USP42: variants seen among roughly 807,000 people sequenced by gnomAD.
USP42 encodes ubiquitin carboxyl-terminal hydrolase 42.
Under a neutral mutation model 113.0 loss-of-function variants are expected in USP42, and 23 were observed. The observed-to-expected ratio is 0.20, with a 90% confidence interval of 0.15 to 0.29. The LOEUF (loss-of-function observed/expected upper bound fraction) is 0.29. USP42 is among the 10% of genes least tolerant of loss of function. The pLI is 1.00. For synonymous variants in USP42, 933 were observed against 699.0 expected, an observed-to-expected ratio of 1.33 and a Z score of -5.28; for missense variants, 2,174 against 1,779.8, an observed-to-expected ratio of 1.22 and a Z score of -3.99.
chr7:6,129,430 G>A (rs565567237), intron 3 of USP42, among the ~76,000 whole-genome samples: 24 of 151,470 alleles, frequency 1.6e-4, no homozygotes, highest in African/African-American at 5.3e-4. Flanking sequence ...GGTGGCGGGC[G>A]CCTGTAATCC....
chr7:6,123,796 G>C (rs1780368971), intron 3 of USP42, among the ~76,000 whole-genome samples: 3 of 138,692 alleles, frequency 2.2e-5, no homozygotes, highest in South Asian at 2.5e-4. Flanking sequence ...TTATGCCACT[G>C]TACTCCAACC....
rs559537747 is a variant in USP42, at chr7:6,129,253, T to C, written c.443-6588T>C. Among the ~76,000 whole-genome samples, 11 of 152,308 alleles carry C rather than the reference T, an allele frequency of 7.2e-5. No homozygotes were observed. The South Asian group carries it at 2.3e-3, about 32-fold the overall frequency. ...TCCTTTACTCTCCACTAGTTATAAT[T>C]GTTATAAAATGTTTCTTCTAGGCCA... is the stretch of plus-strand genomic sequence containing the variant. On this transcript the variant is annotated intron_variant, in intron 3 of 17. Transcript: ENST00000306177.
chr7:6,139,211 G>T lies in USP42; in HGVS notation c.656+17G>T. 1.3e-6 allele frequency: 2 copies of T among 1,545,096 alleles called. No homozygotes were observed. Among genetic ancestry groups the T allele is most frequent in the Middle Eastern group, 1.7e-4 (1 of 5,910 alleles). ...CAGCAATAAGTAAGTACAACAGAGC[G>T]CCAGCCATGTCTTCATTGGGGATCT... On this transcript the variant is annotated intron_variant, in intron 5 of 17. Coordinates refer to ENST00000306177, the MANE Select transcript of USP42 (RefSeq NM_032172.3). This position sits in a 1 kb window ranked among gnomAD's most constrained non-coding sequence, Gnocchi z 4.5.
At chr7:6,085,905 GC>G in the USP42 span, among the ~76,000 whole-genome samples, 31 of 151,108 alleles carry the variant, frequency 2.1e-4, no homozygotes, top group Non-Finnish European at 7.4e-5. Context: ...GAGCCACCGT[GC>G]CCAGCCTATT....
At chr7:6,096,084 A>T in the USP42 span, among the ~76,000 whole-genome samples, 1 of 151,052 alleles carries the variant, frequency 6.6e-6, no homozygotes, top group Non-Finnish European at 1.5e-5. Context: ...TGGAATTGAG[A>T]ACTGGCTCAG....
chr7:6,152,884 C>A, intron 14 of USP42: 1 of 979,458 alleles, frequency 1.0e-6, no homozygotes, highest in Non-Finnish European at 1.2e-6. Context: ...CTTTGAGGGT[C>A]CAAGAGAAAT....
Position 6,139,705 on chromosome 7 carries a change from G to A in USP42, c.657-423G>A. On this transcript the variant is annotated intron_variant, in intron 5 of 17. Coordinates refer to ENST00000306177, the MANE Select transcript of USP42 (RefSeq NM_032172.3). This position sits in a 1 kb window ranked among gnomAD's most constrained non-coding sequence, Gnocchi z 4.5. ...TGAGACACCTGGTAGATCTCCCTCT[G>A]CATTCTCCCTGCCCTGGCACCGCCC... 4.1e-6 allele frequency: 1 copy of A among 243,308 alleles called. No individual in the cohort carries two copies. Among genetic ancestry groups the A allele is most frequent in the Non-Finnish European group, 8.0e-6 (1 of 124,462 alleles). 15.1% of individuals were successfully genotyped at this position (243,308 alleles called of 1,614,324 possible). A position where few individuals can be genotyped will look rare whatever the true frequency, so the allele number is the denominator to read the frequency against.
intron 3 of USP42, among the ~76,000 whole-genome samples, chr7:6,117,642 T>C (rs929950966): frequency 1.3e-5 from 2 of 152,118 alleles, no homozygotes; most frequent in Admixed American, 1.3e-4. Flanking sequence ...GGGATTGCAG[T>C]GTTTTATAGT....
intron 3 of USP42, among the ~76,000 whole-genome samples, chr7:6,123,035 A>G (rs974523973): frequency 6.6e-6 from 1 of 151,158 alleles, no homozygotes; most frequent in Non-Finnish European, 1.5e-5. Context: ...CGTGTTGGCT[A>G]GGCTGGTCTC....
intron 3 of USP42, among the ~76,000 whole-genome samples, chr7:6,134,716 T>G (rs917014390): frequency 3.3e-4 from 50 of 152,226 alleles, no homozygotes; most frequent in Non-Finnish European, 1.5e-4. Context: ...AAAAAAGATA[T>G]GCCATAGAGA....
At chr7:6,102,306 G>C (rs1342685614), upstream of USP42, among the ~76,000 whole-genome samples, 1 of 149,838 alleles carries the variant, frequency 6.7e-6, no homozygotes. Flanking sequence ...TAGAGACAGA[G>C]TTTCAGCATA....
At chr7:6,112,400 A>G (rs2128477904) in intron 2 of USP42, among the ~76,000 whole-genome samples, 1 of 152,290 alleles carries the variant, frequency 6.6e-6, no homozygotes, top group South Asian at 2.1e-4. Context: ...AGTGAGCCCA[A>G]GATCGCACCA....
rs749539831 is a variant in USP42, at chr7:6,154,538, C to T, written c.2984C>T (p.Ala995Val). 1.9e-6 allele frequency: 3 copies of T among 1,545,140 alleles called. No homozygotes were observed. Among genetic ancestry groups the T allele is most frequent in the South Asian group, 1.2e-5 (1 of 83,796 alleles). Residue 995 changes from alanine (A) to valine (V), a missense_variant, in exon 15 of 18, where the codon GCC becomes GTC. Ala to Val is a moderately conservative substitution (Grantham distance 64). Transcript: ENST00000306177. ...PRERDRQDRHAPEHHPGHGDR... is the reference protein window; with the variant it reads ...PRERDRQDRHVPEHHPGHGDR... ...GAGCGCGACCGCCAGGACCGCCACG[C>T]CCCGGAGCACCACCCCGGCCACGGC...
At chr7:6,151,140 A>C (rs1169625298) in intron 14 of USP42, among the ~76,000 whole-genome samples, 1 of 152,250 alleles carries the variant, frequency 6.6e-6, no homozygotes, top group Non-Finnish European at 1.5e-5. Context: ...GCACACCTGC[A>C]CAGGGCACTT....
At chr7:6,133,435 G>T (rs1780957728) in intron 3 of USP42, among the ~76,000 whole-genome samples, 1 of 152,156 alleles carries the variant, frequency 6.6e-6, no homozygotes. Flanking sequence ...TACCCATAAT[G>T]AATATCTTCA....
At chr7:6,156,599 G>C (rs7803199) in intron 15 of USP42, among the ~76,000 whole-genome samples, 155 bp from the exon 16 acceptor site, 1 of 151,884 alleles carries the variant, frequency 6.6e-6, no homozygotes, top group East Asian at 1.9e-4. Flanking sequence ...ACAGGTGTGC[G>C]CCACCATACC....
chr7:6,128,861 C>T (rs1006990744), intron 3 of USP42, among the ~76,000 whole-genome samples: 14 of 152,050 alleles, frequency 9.2e-5, no homozygotes, highest in Non-Finnish European at 1.9e-4. Flanking sequence ...CTCTCTGTCA[C>T]CTAGGCTGGA....
At chr7:6,122,575 A>G (rs527843351) in intron 3 of USP42, among the ~76,000 whole-genome samples, 2 of 152,050 alleles carry the variant, frequency 1.3e-5, no homozygotes, top group Non-Finnish European at 2.9e-5. Context: ...GGTTCAAGCG[A>G]TTCTCCTGCC....
chr7:6,128,456 A>G lies in USP42; in HGVS notation c.443-7385A>G, dbSNP rs543892134. The stretch of plus-strand genomic sequence containing the variant: ...TTTTTTCCCTGCTTTGTTTTGATTA[A>G]TGCTTGCATGACATATCTTTTTTAT... On this transcript the variant is annotated intron_variant, in intron 3 of 17. Transcript: ENST00000306177. 7.2e-4 allele frequency among the ~76,000 whole-genome samples: 110 copies of G among 151,988 alleles called. 1 individual carries two copies. The highest frequency in any genetic ancestry group is 1.2e-3 in the Admixed American group (18 of 15,250).
Sources: gnomAD v4.1 joint callset for allele counts (sites outside exome capture counted in the v4.1 genomes callset) on GRCh38, gnomAD v4.1.1 for gene constraint, Gnocchi (gnomAD v3.1) non-coding constraint, MANE v1.5 for transcripts, NCBI Gene and HGNC (gene_info 2026-07-23, HGNC 2026-07-21) for gene names.